The following LIPI variants were observed in gnomAD, a reference collection of about 807,000 sequenced individuals.
LIPI encodes lipase I.
LIPI carries 59 observed loss-of-function variants against 50.6 expected under a neutral mutation model. The ratio of observed to expected loss-of-function variants is 1.16; its 90% CI spans 0.94 to 1.45. The LOEUF is 1.45. LIPI is among the 40% of genes most tolerant of loss of function. LIPI has a pLI of 0.00. For missense variants in LIPI, 586 were observed against 536.3 expected (o/e 1.09, Z -0.92); for synonymous variants, 203 against 178.2 (o/e 1.14, Z -1.11).
intron 9 of LIPI, among the ~76,000 whole-genome samples, chr21:14,115,918 A>G (rs1426533250): frequency 6.6e-6 from 1 of 152,078 alleles, no homozygotes; most frequent in Non-Finnish European, 1.5e-5. Flanking sequence ...TCACACTGGA[A>G]AAAGGGAGAA....
At chr21:14,210,305 A>G (rs2123368679) in intron 1 of LIPI, among the ~76,000 whole-genome samples, 1 of 152,218 alleles carries the variant, frequency 6.6e-6, no homozygotes, top group South Asian at 2.1e-4. Context: ...TATTACCATA[A>G]ACCAGCTTTG....
At chr21:14,178,966 A>G (rs1348102237) in intron 4 of LIPI, among the ~76,000 whole-genome samples, 1 of 152,180 alleles carries the variant, frequency 6.6e-6, no homozygotes, top group Non-Finnish European at 1.5e-5. Flanking sequence ...CAACTCAGAT[A>G]ACGAGAAGCT....
At chr21:14,114,919 C>T (rs754774135) in intron 9 of LIPI, among the ~76,000 whole-genome samples, 42 of 152,202 alleles carry the variant, frequency 2.8e-4, no homozygotes, top group Middle Eastern at 3.4e-3. Context: ...GAAAGGATAG[C>T]AACATATTTC....
At chr21:14,144,472 C>T in intron 9 of LIPI, 151 bp downstream of exon 9, 1 of 467,872 alleles carries the variant, frequency 2.1e-6, no homozygotes, top group Non-Finnish European at 3.9e-6. Context: ...ACCTTTATAC[C>T]TTTTTGAGAT....
Position 14,166,427 on chromosome 21 carries a change from C to T in LIPI, c.668G>A (p.Gly223Glu). The T allele has an allele frequency of 6.2e-7, 1 of 1,608,560 alleles. No individual in the cohort carries two copies. The highest frequency in any genetic ancestry group is 1.1e-5 in the South Asian group (1 of 90,956). Reference sequence around the variant, plus strand: ...TCCATTTGGATAAAAATCTATATGTCCCAAGGGCTCTTGAATGCCTAAACC... The same window carrying T: ...TCCATTTGGATAAAAATCTATATGTTCCAAGGGCTCTTGAATGCCTAAACC... Reference protein sequence around the residue: ...SNGLGIQEPLGHIDFYPNGGN... With the variant: ...SNGLGIQEPLEHIDFYPNGGN... The change falls in exon 5 of 10, where the codon GGA becomes GAA. Residue 223 changes from glycine (G) to glutamate (E), a missense_variant. By Grantham distance (98) the Gly-to-Glu change is moderately conservative. Coordinates refer to ENST00000681601, the MANE Select transcript of LIPI (RefSeq NM_001302998.2).
chr21:14,160,531 G>T (rs1045095384), intron 7 of LIPI, among the ~76,000 whole-genome samples: 31 of 151,268 alleles, frequency 2.0e-4, no homozygotes, highest in African/African-American at 6.0e-4. Context: ...GTAACACATA[G>T]AACTATTATT....
At chr21:14,209,288 G>A (rs143760224) in intron 1 of LIPI, among the ~76,000 whole-genome samples, 4,083 of 151,974 alleles carry the variant, frequency 0.027, 68 homozygotes, top group Admixed American at 0.032. Flanking sequence ...ACTGCTTTTC[G>A]GAATGTCGTT....
At chr21:14,169,941 G>A (rs999524672) in intron 4 of LIPI, among the ~76,000 whole-genome samples, 43 of 151,816 alleles carry the variant, frequency 2.8e-4, no homozygotes, top group African/African-American at 9.9e-4. Context: ...TTTTTGAAAG[G>A]ATCAACAAAA....
intron 9 of LIPI, among the ~76,000 whole-genome samples, chr21:14,117,747 T>A (rs532001780): frequency 6.6e-6 from 1 of 152,242 alleles, no homozygotes; most frequent in East Asian, 1.9e-4. Flanking sequence ...AAAATGATAT[T>A]AAGCAAAAGT....
chr21:14,180,182 T>C (rs2019225696), intron 4 of LIPI, among the ~76,000 whole-genome samples: 2 of 152,248 alleles, frequency 1.3e-5, no homozygotes, highest in South Asian at 4.1e-4. Context: ...CCCTGGTAAC[T>C]TGTGGTTGGA....
chr21:14,207,426 C>A (rs1284294765), intron 1 of LIPI, among the ~76,000 whole-genome samples: 1 of 151,898 alleles, frequency 6.6e-6, no homozygotes, highest in Non-Finnish European at 1.5e-5. Context: ...ATAATAGGCA[C>A]AACTATGTCA....
intron 2 of LIPI, among the ~76,000 whole-genome samples, chr21:14,186,643 C>A (rs2019466000): frequency 6.6e-6 from 1 of 152,114 alleles, no homozygotes; most frequent in Admixed American, 6.5e-5. Flanking sequence ...CCCTAAAATT[C>A]ATATGTTGGA....
Position 14,210,873 on chromosome 21 carries a change from A to C in LIPI, c.-28T>G. ...GGAATCTGAGAAAAGCAAAAACAGCACTCAATTCACCAAAAAGGAAATTCC... is the reference window on the plus strand; with the variant it reads ...GGAATCTGAGAAAAGCAAAAACAGCCCTCAATTCACCAAAAAGGAAATTCC... On this transcript the variant is annotated 5_prime_UTR_variant, in exon 1 of 10. Coordinates refer to ENST00000681601, the MANE Select transcript of LIPI (RefSeq NM_001302998.2). 2.5e-6 allele frequency: 3 copies of C among 1,212,546 alleles called. No homozygotes were observed. Among genetic ancestry groups the C allele is most frequent in the Non-Finnish European group, 3.1e-6 (3 of 954,722 alleles). 75.1% of individuals were successfully genotyped at this position (1,212,546 alleles called of 1,614,324 possible).
chr21:14,184,722 C>G (rs1383485925), intron 3 of LIPI, among the ~76,000 whole-genome samples: 1 of 152,094 alleles, frequency 6.6e-6, no homozygotes, highest in Non-Finnish European at 1.5e-5. Flanking sequence ...TATGTGTAAA[C>G]ACAATTTAAA....
Position 14,163,524 on chromosome 21 carries a change from C to A in LIPI, c.902-1G>T. ...CCTTTAAATAGCTTGGCTTGATAAC[C>A]TGAGATTTGAGAAATAGAACATTAG... is the stretch of plus-strand genomic sequence containing the variant. On this transcript the variant is annotated splice_acceptor_variant, in intron 6 of 9. Transcript: ENST00000681601. LOFTEE classifies it high-confidence loss of function. The A allele has an allele frequency of 7.0e-7, 1 of 1,430,434 alleles. No homozygotes were observed. The highest frequency in any genetic ancestry group is 9.9e-7 in the Non-Finnish European group (1 of 1,013,320). 88.6% of individuals were successfully genotyped at this position (1,430,434 alleles called of 1,614,324 possible).
At chr21:14,146,231 G>T (rs1321066161) in intron 8 of LIPI, among the ~76,000 whole-genome samples, 6 of 150,990 alleles carry the variant, frequency 4.0e-5, no homozygotes, top group Admixed American at 4.0e-4. Context: ...AAGGATGCCT[G>T]AAGCTCACTA....
chr21:14,144,563 G>A (rs1017979981), intron 9 of LIPI, 60 bp downstream of exon 9: 6 of 918,492 alleles, frequency 6.5e-6, no homozygotes, highest in Admixed American at 1.9e-5. Flanking sequence ...CATTACTTAA[G>A]AAACCAATAT....
chr21:14,203,801 G>T (rs1471693634), intron 1 of LIPI, among the ~76,000 whole-genome samples: 1 of 151,820 alleles, frequency 6.6e-6, no homozygotes, highest in East Asian at 2.0e-4. Flanking sequence ...GTATACATAT[G>T]TAACTAACCT....
chr21:14,208,817 T>C (rs2020291179), intron 1 of LIPI, among the ~76,000 whole-genome samples: 1 of 152,172 alleles, frequency 6.6e-6, no homozygotes. Context: ...TTTGGGAGGC[T>C]GAGAAGGGCA....
Sources: allele counts gnomAD v4.1 joint callset (sites outside exome capture counted in the v4.1 genomes callset), GRCh38; gene constraint gnomAD v4.1.1; transcripts MANE v1.5; gene names NCBI Gene and HGNC (gene_info 2026-07-23, HGNC 2026-07-21).